The following IRGM variants were observed in gnomAD, a reference collection of about 807,000 sequenced individuals.
The protein encoded by IRGM is immunity related GTPase M.
For synonymous variants in IRGM, 98 were observed against 80.6 expected (o/e 1.22, Z -1.16); for missense variants, 288 against 219.9 (o/e 1.31, Z -1.96).
intron 3 of IRGM, chr5:150,896,320 T>C: frequency 1.2e-6 from 2 of 1,613,648 alleles, no homozygotes; most frequent in Non-Finnish European, 1.7e-6. Context: ...AACTTCTCAC[T>C]GAAGGCTTTT....
At position 150,888,895 on chromosome 5, in the gene IRGM, T is replaced by C. The variant is rs183802965; in HGVS notation, c.*140+9249T>C. Among the ~76,000 whole-genome samples, 3 of 152,188 alleles carry C rather than the reference T, an allele frequency of 2.0e-5. No homozygotes were observed. The East Asian group carries it at 5.8e-4, about 29-fold the overall frequency. On this transcript the variant is annotated intron_variant and NMD_transcript_variant, in intron 3 of 3. Coordinates refer to the IRGM transcript ENST00000520549. Reference sequence around the variant, plus strand: ...GGGAGAATTAATATCTTAACAACATTGAGCCTTCCAACCAATAAACTAGAT... The same window carrying C: ...GGGAGAATTAATATCTTAACAACATCGAGCCTTCCAACCAATAAACTAGAT...
At chr5:150,900,773 A>G (rs1359727882), downstream of IRGM, 1 of 151,922 alleles carries the variant, frequency 6.6e-6, no homozygotes, top group Non-Finnish European at 1.5e-5. Context: ...GTTTTATCTG[A>G]AGAAAAGTAA....
chr5:150,901,116 A>G (rs768005337), downstream of IRGM, among the ~76,000 whole-genome samples: 2 of 152,010 alleles, frequency 1.3e-5, no homozygotes, highest in African/African-American at 2.4e-5. Context: ...GATGGTAGGG[A>G]ACTAATATAC....
In IRGM at chr5:150,892,672, G is replaced by GT. The variant is rs546375088; in HGVS notation, c.*141-7911dup. On this transcript the variant is annotated intron_variant and NMD_transcript_variant, in intron 3 of 3. Coordinates refer to the IRGM transcript ENST00000520549. ...CCATTAAATATGATGTTTACTGTAG[G>GT]TTTTTTATCTATGCCCTTTAACTAT... 3.5e-3 allele frequency among the ~76,000 whole-genome samples: 540 copies of GT among 152,128 alleles called. 5 individuals are homozygous for GT. Among genetic ancestry groups the GT allele is most frequent in the African/African-American group, 0.012 (510 of 41,522 alleles).
At position 150,855,622 on chromosome 5, in the gene IRGM, A is replaced by G. The variant is rs1381400072; in HGVS notation, c.158+6968A>G. Among the ~76,000 whole-genome samples the G allele has an allele frequency of 5.9e-5, 9 of 152,200 alleles. No homozygotes were observed. In the East Asian group the frequency reaches 7.7e-4, roughly 13 times the overall value. On this transcript the variant is annotated intron_variant and NMD_transcript_variant, in intron 1 of 3. Transcript: ENST00000520549. ...ACTAGGTCTGATTTTCCAACATGGT[A>G]GATTCTTTAAGGCACCTTCATCTTT...
intron 3 of IRGM, chr5:150,897,764 A>G (rs1561756729): frequency 1.1e-5 from 4 of 370,560 alleles, no homozygotes; most frequent in Non-Finnish European, 1.4e-5. Flanking sequence ...TTAATTTAAT[A>G]CAGTCATTTA....
intron 3 of IRGM, chr5:150,898,633 C>A: frequency 7.0e-7 from 1 of 1,430,070 alleles, no homozygotes; most frequent in Non-Finnish European, 9.4e-7. Context: ...TACATCCACA[C>A]CTAGTTTTGT....
chr5:150,863,046 A>G (rs932036174), intron 1 of IRGM, among the ~76,000 whole-genome samples: 4 of 152,250 alleles, frequency 2.6e-5, no homozygotes, highest in African/African-American at 9.6e-5. Flanking sequence ...AAAACAAAAC[A>G]GTAGAGACAT....
intron 3 of IRGM, among the ~76,000 whole-genome samples, chr5:150,892,332 A>G (rs1754623118): frequency 6.6e-6 from 1 of 152,122 alleles, no homozygotes; most frequent in Admixed American, 6.6e-5. Flanking sequence ...CAGAAGGGAA[A>G]GGGAGGCAGG....
At chr5:150,897,883 T>TAC (rs1754849544) in intron 3 of IRGM, 1 of 662,408 alleles carries the variant, frequency 1.5e-6, no homozygotes, top group Admixed American at 3.4e-5. Flanking sequence ...CATATATATA[T>TAC]ACACACAAGA....
intron 1 of IRGM, among the ~76,000 whole-genome samples, chr5:150,866,357 G>C (rs577958441): frequency 6.6e-6 from 1 of 152,300 alleles, no homozygotes; most frequent in South Asian, 2.1e-4. Flanking sequence ...AAGAAAAACT[G>C]CTTCCTCCAT....
intron 3 of IRGM, among the ~76,000 whole-genome samples, chr5:150,886,793 TTTTC>T (rs1290675536): frequency 5.3e-5 from 8 of 152,126 alleles, no homozygotes; most frequent in Admixed American, 2.0e-4. Context: ...TTTCCTCTTT[TTTTC>T]TTTATTAGTC....
At chr5:150,881,866 A>G (rs1053422255) in intron 3 of IRGM, among the ~76,000 whole-genome samples, 1 of 152,126 alleles carries the variant, frequency 6.6e-6, no homozygotes, top group African/African-American at 2.4e-5. Flanking sequence ...GCAAAAACCT[A>G]TATTACTAAC....
At chr5:150,856,924 A>ATTAT (rs779220358) in intron 1 of IRGM, among the ~76,000 whole-genome samples, 24 of 133,700 alleles carry the variant, frequency 1.8e-4, no homozygotes, top group Middle Eastern at 3.8e-3. Context: ...TTTATTATTT[A>ATTAT]TTATTTATTA....
Position 150,848,613 on chromosome 5 carries a change from C to G in IRGM, c.490C>G (p.Gln164Glu), listed in dbSNP as rs935668004. The G allele has an allele frequency of 6.5e-7, 1 of 1,549,314 alleles. No individual in the cohort carries two copies. The highest frequency in any genetic ancestry group is 1.4e-5 in the African/African-American group (1 of 73,110). ...TGALPEVQLL[Q>E]IRENVLENLQ... ...TGCCCTCCCAGAAGTGCAGCTACTG[C>G]AGATCAGAGAAAATGTCCTGGAAAA... The change falls in exon 2 of 2, where the codon CAG (glutamine) becomes GAG (glutamate). Residue 164 changes from glutamine (Q) to glutamate (E), a missense_variant. Transcript: ENST00000522154.
chr5:150,870,847 GTTGT>G lies in IRGM; in HGVS notation c.159-7126_159-7123del, dbSNP rs200441619. 2.1e-3 allele frequency among the ~76,000 whole-genome samples: 313 copies of G among 152,050 alleles called. 1 individual carries two copies. Among genetic ancestry groups the G allele is most frequent in the African/African-American group, 6.9e-3 (286 of 41,502 alleles). ...TAACTGTTTTTTTGTTGTTGTTATT[GTTGT>G]TTGTTTCTGTTTTTGTTGTTTTGAT... On this transcript the variant is annotated intron_variant and NMD_transcript_variant, in intron 1 of 3. Coordinates refer to the IRGM transcript ENST00000520549.
chr5:150,864,035 C>T (rs1386544382), intron 1 of IRGM, among the ~76,000 whole-genome samples: 1 of 152,078 alleles, frequency 6.6e-6, no homozygotes, highest in Non-Finnish European at 1.5e-5. Context: ...TTTTTCTTAG[C>T]CCCTGGCTGT....
At chr5:150,872,945 T>G (rs1234037266) in intron 1 of IRGM, among the ~76,000 whole-genome samples, 3 of 152,208 alleles carry the variant, frequency 2.0e-5, no homozygotes, top group Non-Finnish European at 4.4e-5. Context: ...TCTGCATCCT[T>G]GAAGAGCTCT....
intron 3 of IRGM, among the ~76,000 whole-genome samples, chr5:150,899,318 T>C (rs1315229727): frequency 6.6e-6 from 1 of 151,732 alleles, no homozygotes; most frequent in Non-Finnish European, 1.5e-5. Context: ...AAATTTAAAC[T>C]CTAAAAAGTA....
Sources: gnomAD v4.1 joint callset for allele counts (sites outside exome capture counted in the v4.1 genomes callset) on GRCh38, gnomAD v4.1.1 for gene constraint, MANE v1.5 for transcripts, NCBI Gene and HGNC (gene_info 2026-07-23, HGNC 2026-07-21) for gene names.